Variants in LRRC27 observed in about 807,000 individuals in gnomAD.
The protein encoded by LRRC27 is leucine rich repeat containing 27, also known as leucine-rich repeat-containing protein 27.
A neutral mutation model predicts 55.0 loss-of-function variants in LRRC27; 57 were observed. The observed-to-expected ratio is 1.04, with a 90% CI of 0.84 to 1.29. LRRC27 has a LOEUF of 1.29. Among genes scored for constraint, LRRC27 ranks in the 50% most tolerant of loss-of-function variants. The pLI is 0.00. For synonymous variants in LRRC27, 278 were observed against 251.9 expected, an observed-to-expected ratio of 1.10 and a Z score of -0.98; for missense variants, 721 against 651.5, an observed-to-expected ratio of 1.11 and a Z score of -1.16.
rs1369004731 is a variant in LRRC27 at position 132,364,747 on chromosome 10, C to T, written c.1290-677C>T. 3.6e-5 allele frequency among the ~76,000 whole-genome samples: 5 copies of T among 139,410 alleles called. No homozygotes were observed. The East Asian group carries it at 6.7e-4, about 19-fold the overall frequency. 91.5% of individuals were successfully genotyped at this position (139,410 alleles called of 152,430 possible). A position where few individuals can be genotyped will look rare whatever the true frequency, so the allele number is the denominator to read the frequency against. Reference sequence around the variant, plus strand: ...GCGTCCACACTTACATCTACCTCCACGCCCACACTTACACTCATGCTTACA... The same window carrying T: ...GCGTCCACACTTACATCTACCTCCATGCCCACACTTACACTCATGCTTACA... On this transcript the variant is annotated intron_variant, in intron 9 of 10. Transcript: ENST00000368614.
chr10:132,368,623 A>G (rs1449077609), intron 10 of LRRC27, among the ~76,000 whole-genome samples: 1 of 152,242 alleles, frequency 6.6e-6, no homozygotes, highest in Non-Finnish European at 1.5e-5. Context: ...GAATCTAGAC[A>G]TAGACCTCAC....
In LRRC27 at chr10:132,372,206, G is replaced by A. The variant is rs575882551; in HGVS notation, c.1417-2860G>A. Among the ~76,000 whole-genome samples, 555 of 150,222 alleles carry A rather than the reference G, an allele frequency of 3.7e-3. 6 individuals are homozygous for A. Among genetic ancestry groups the A allele is most frequent in the African/African-American group, 0.012 (487 of 40,308 alleles). On this transcript the variant is annotated intron_variant, in intron 10 of 10. Transcript: ENST00000368614. This position sits in a 1 kb window ranked among gnomAD's most constrained non-coding sequence, Gnocchi z 4.0. ...CAGAAGGATGGGAAGTGGGGGTCGG[G>A]GTGCGGTGGCTCACGCCTGCAATCC... is the stretch of plus-strand genomic sequence containing the variant.
At chr10:132,359,134 A>AAGGAGCCGAGGTGGTGGAGTGTGGGG (rs2068488537) in intron 8 of LRRC27, among the ~76,000 whole-genome samples, 1 of 29,748 alleles carries the variant, frequency 3.4e-5, no homozygotes, top group Non-Finnish European at 7.0e-5. Flanking sequence ...GGAGCGTGGG[A>AAGGAGCCGAGGTGGTGGAGTGTGGGG]AGGAGCCGAG....
In LRRC27 at chr10:132,348,269, A is replaced by G. The variant is rs1431286156; in HGVS notation, c.839A>G (p.Asp280Gly). The stretch of plus-strand genomic sequence containing the variant: ...CACGTGAAGGCAGACGTTCTGGGAG[A>G]TCAGCTCTTGACGAGGGAATTACCT... ...VEHVKADVLG[D>G]QLLTRELPPN... Residue 280 changes from aspartate to glycine, a missense_variant, in exon 6 of 11, where the codon GAT becomes GGT. Coordinates refer to ENST00000368614, the MANE Select transcript of LRRC27 (RefSeq NM_030626.3). The surrounding 1 kb of genome is among the most constrained non-coding windows in gnomAD (Gnocchi z 4.2). 1 of 1,614,056 alleles carries G rather than the reference A, an allele frequency of 6.2e-7. No homozygotes were observed. The highest frequency in any genetic ancestry group is 1.1e-5 in the South Asian group (1 of 91,082).
chr10:132,331,809 G>C (rs759428143), upstream of LRRC27: 7 of 1,587,384 alleles, frequency 4.4e-6, no homozygotes, highest in Non-Finnish European at 6.0e-6. Context: ...CTTGCCCGTC[G>C]ACCACCACCC....
chr10:132,352,862 C>T, intron 7 of LRRC27: 1 of 1,613,478 alleles, frequency 6.2e-7, no homozygotes, highest in Non-Finnish European at 8.5e-7. Flanking sequence ...TCTTTTCCCT[C>T]ATTTCTTGTT....
At chr10:132,354,040 C>T (rs911443672) in intron 7 of LRRC27, among the ~76,000 whole-genome samples, 2 of 152,202 alleles carry the variant, frequency 1.3e-5, no homozygotes, top group Non-Finnish European at 2.9e-5. Flanking sequence ...CTGTGGGAGT[C>T]CCACTCCCTC....
At chr10:132,346,804 G>A (rs2132874660) in intron 5 of LRRC27, among the ~76,000 whole-genome samples, 1 of 143,510 alleles carries the variant, frequency 7.0e-6, no homozygotes, top group Admixed American at 7.3e-5. Flanking sequence ...CATGTTTCTA[G>A]TCACTTGTAC....
chr10:132,343,101 A>G (rs972748826), intron 4 of LRRC27, among the ~76,000 whole-genome samples: 10 of 152,188 alleles, frequency 6.6e-5, no homozygotes, highest in Non-Finnish European at 1.5e-4. Flanking sequence ...TGAAGCCAGG[A>G]GTTTGAAACC....
rs745822880 is a variant in LRRC27, at chr10:132,365,461, C to T, written c.1327C>T (p.Gln443Ter). 1.2e-6 allele frequency: 2 copies of T among 1,613,694 alleles called. No homozygotes were observed. The highest frequency in any genetic ancestry group is 1.7e-6 in the Non-Finnish European group (2 of 1,179,956). The change falls in exon 10 of 11, where the codon CAG becomes TAG. Residue 443 changes from glutamine to a stop codon, truncating the protein, a stop_gained. Coordinates refer to ENST00000368614, the MANE Select transcript of LRRC27 (RefSeq NM_030626.3). LOFTEE classifies it high-confidence loss of function. ...QERNLEEKIK[Q>*]HVLQMREQRR... ...GAGAAATTTAGAAGAGAAGATAAAA[C>T]AGCACGTCCTCCAAATGCGTGAGCA...
intron 10 of LRRC27, among the ~76,000 whole-genome samples, chr10:132,370,877 C>A (rs865839365): frequency 6.6e-6 from 1 of 152,222 alleles, no homozygotes; most frequent in Non-Finnish European, 1.5e-5. Context: ...CCTGGTGAGA[C>A]GATCATGCCA....
At chr10:132,349,692 G>A (rs1261345015) in intron 6 of LRRC27, among the ~76,000 whole-genome samples, 1 of 152,174 alleles carries the variant, frequency 6.6e-6, no homozygotes, top group African/African-American at 2.4e-5. Context: ...GTCAGATTTG[G>A]ATACTAGACC....
At chr10:132,362,010 C>A (rs1285447967) in intron 9 of LRRC27, among the ~76,000 whole-genome samples, 1 of 152,224 alleles carries the variant, frequency 6.6e-6, no homozygotes, top group Non-Finnish European at 1.5e-5. Context: ...TTCCTTAGAC[C>A]TGACCCTCAG....
chr10:132,356,823 T>A lies in LRRC27; in HGVS notation c.1170+937T>A, dbSNP rs2068333742. On this transcript the variant is annotated intron_variant, in intron 8 of 10. Transcript: ENST00000368614. Reference sequence around the variant, plus strand: ...AGAATGCGCCTGGCTTGCTTCTCTGTCCTGTGAGCATAGTCAGGCAAATGT... The same window carrying A: ...AGAATGCGCCTGGCTTGCTTCTCTGACCTGTGAGCATAGTCAGGCAAATGT... Among the ~76,000 whole-genome samples, 3 of 152,278 alleles carry A rather than the reference T, an allele frequency of 2.0e-5. No homozygotes were observed. The South Asian group carries it at 6.2e-4, about 31-fold the overall frequency.
chr10:132,354,730 G>T (rs1256576954), intron 7 of LRRC27, among the ~76,000 whole-genome samples: 1 of 152,274 alleles, frequency 6.6e-6, no homozygotes, highest in Non-Finnish European at 1.5e-5. Flanking sequence ...CAAGGAAGGA[G>T]AGCAGAGGTC....
At chr10:132,337,807 C>A in intron 3 of LRRC27, 112 bp downstream of exon 3, 1 of 1,265,712 alleles carries the variant, frequency 7.9e-7, no homozygotes, top group Non-Finnish European at 1.1e-6. Flanking sequence ...GGAATAGAAA[C>A]ATTTAATAGT....
Position 132,337,545 on chromosome 10 carries a change from G to C in LRRC27, c.211-20G>C, listed in dbSNP as rs1391069017. 3 of 1,608,822 alleles carry C rather than the reference G, an allele frequency of 1.9e-6. No individual in the cohort carries two copies. The African/African-American group carries it at 4.0e-5, about 22-fold the overall frequency. On this transcript the variant is annotated intron_variant, in intron 2 of 10. Coordinates refer to ENST00000368614, the MANE Select transcript of LRRC27 (RefSeq NM_030626.3). ...TTAGTTGGTTAACAAAACATTCTCT[G>C]ATTCTCTTTTCCATGGAAGCAATTG...
In LRRC27 at chr10:132,333,544, A is replaced by G; in HGVS notation, c.20A>G (p.Tyr7Cys). 6.2e-7 allele frequency: 1 copy of G among 1,606,466 alleles called. No homozygotes were observed. Residue 7 changes from tyrosine (Y) to cysteine (C), a missense_variant, in exon 2 of 11, where the codon TAC (tyrosine) becomes TGC (cysteine). Physicochemically the swap from Tyr to Cys is radical, Grantham distance 194. Transcript: ENST00000368614. ...GAACGGATGGAGGGAAGCAGCTCCT[A>G]CGAAGTTCCCTCTGTGGCTGCTGCT... MEGSSSYEVPSVAAADL... is the reference protein window; with the variant it reads MEGSSSCEVPSVAAADL...
upstream of LRRC27, chr10:132,331,491 G>A (rs768793299): frequency 2.2e-5 from 36 of 1,612,778 alleles, no homozygotes; most frequent in Non-Finnish European, 2.9e-5. Context: ...CTTCTCCAAA[G>A]AGGACGCTCT....
Sources: gnomAD v4.1 joint callset for allele counts (sites outside exome capture counted in the v4.1 genomes callset) on GRCh38, gnomAD v4.1.1 for gene constraint, Gnocchi (gnomAD v3.1) non-coding constraint, MANE v1.5 for transcripts, NCBI Gene and HGNC (gene_info 2026-07-23, HGNC 2026-07-21) for gene names.